The following XPO4 variants were observed in gnomAD, a reference collection of about 807,000 sequenced individuals.
XPO4 encodes exportin 4.
Under a neutral mutation model 143.0 loss-of-function variants are expected in XPO4, and 39 were observed. That is an observed-to-expected ratio of 0.27 (90% CI 0.21 to 0.36). XPO4 has a LOEUF of 0.36. XPO4 is among the 10% of genes least tolerant of loss of function. XPO4 has a pLI of 1.00. For synonymous variants in XPO4, 439 were observed against 474.0 expected, an observed-to-expected ratio of 0.93 and a Z score of 0.96; for missense variants, 907 against 1,348.0, an observed-to-expected ratio of 0.67 and a Z score of 5.12.
chr13:20,800,102 G>T, intron 15 of XPO4, 54 bp downstream of exon 15: 1 of 1,581,258 alleles, frequency 6.3e-7, no homozygotes, highest in East Asian at 2.3e-5. Context: ...AAGTGAAAAA[G>T]AGTTTCTCAC....
chr13:20,861,784 T>C (rs1250518883), intron 3 of XPO4, among the ~76,000 whole-genome samples: 2 of 125,534 alleles, frequency 1.6e-5, no homozygotes, highest in African/African-American at 6.8e-5. Flanking sequence ...TCTCTTTTTT[T>C]TTTTTTTTTT....
chr13:20,889,489 C>G (rs1308900433), intron 1 of XPO4, among the ~76,000 whole-genome samples: 1 of 152,172 alleles, frequency 6.6e-6, no homozygotes, highest in Non-Finnish European at 1.5e-5. Flanking sequence ...GCACTAATGG[C>G]AACTAGTGGA....
chr13:20,840,641 C>A (rs538834173), intron 6 of XPO4, among the ~76,000 whole-genome samples: 260 of 151,906 alleles, frequency 1.7e-3, no homozygotes, highest in Non-Finnish European at 3.0e-3. Flanking sequence ...GGTAGATCTC[C>A]AGGTAATTTC....
intron 4 of XPO4, among the ~76,000 whole-genome samples, chr13:20,846,208 T>C (rs183018602): frequency 5.3e-5 from 8 of 152,328 alleles, no homozygotes; most frequent in African/African-American, 1.9e-4. Context: ...ATTTTAAAAC[T>C]ATCACCATAT....
chr13:20,864,101 TA>T (rs1205801197), intron 2 of XPO4, among the ~76,000 whole-genome samples: 1 of 152,080 alleles, frequency 6.6e-6, no homozygotes, highest in Non-Finnish European at 1.5e-5. Context: ...ACATGAACTC[TA>T]ATTGAGATGA....
chr13:20,798,172 T>G lies in XPO4; in HGVS notation c.2322+993A>C, dbSNP rs1236514614. On this transcript the variant is annotated intron_variant, in intron 16 of 22. Coordinates refer to ENST00000255305, the MANE Select transcript of XPO4 (RefSeq NM_022459.5). ...AAAAAGAAAATAGGGTTGTCATAGA[T>G]GTAATTAGTTCAGATGAGGTCATAC... Among the ~76,000 whole-genome samples the G allele has an allele frequency of 2.0e-5, 3 of 151,824 alleles. No homozygotes were observed. The East Asian group carries it at 5.8e-4, about 29-fold the overall frequency.
rs116186959 is a variant in XPO4, at chr13:20,785,183, T to C, written c.3259-1264A>G. Among the ~76,000 whole-genome samples the C allele has an allele frequency of 6.5e-3, 996 of 152,288 alleles. 15 individuals are homozygous for C. Among genetic ancestry groups the C allele is most frequent in the African/African-American group, 0.023 (946 of 41,572 alleles). On this transcript the variant is annotated intron_variant, in intron 22 of 22. Transcript: ENST00000255305. ...GCACCTGGCATGCTGTAATTTTTCA[T>C]TGGCTTCTTGGGATATCATGATAGA...
At chr13:20,856,355 T>C in intron 3 of XPO4, 1 of 985,190 alleles carries the variant, frequency 1.0e-6, no homozygotes, top group Non-Finnish European at 1.2e-6. Context: ...CATATCTAGG[T>C]TCTGTTCCTC....
At chr13:20,814,715 T>C (rs911294453) in intron 9 of XPO4, among the ~76,000 whole-genome samples, 1 of 152,234 alleles carries the variant, frequency 6.6e-6, no homozygotes, top group African/African-American at 2.4e-5. Context: ...CCCTTGGTAT[T>C]GTCAGGCCTG....
At position 20,783,363 on chromosome 13, in the gene XPO4, GA is replaced by G; in HGVS notation, c.*358del. 3.9e-6 allele frequency: 1 copy of G among 255,712 alleles called. No individual in the cohort carries two copies. Among genetic ancestry groups the G allele is most frequent in the Non-Finnish European group, 7.6e-6 (1 of 132,248 alleles). The allele number at this position is 255,712 out of a possible 1,614,324, so 15.8% of individuals were successfully genotyped here. On this transcript the variant is annotated 3_prime_UTR_variant, in exon 23 of 23. Coordinates refer to ENST00000255305, the MANE Select transcript of XPO4 (RefSeq NM_022459.5). The stretch of plus-strand genomic sequence containing the variant: ...AGCATATATCCATTTCATATTTAAT[GA>G]CAAAAATTCTAAACTTTGGCTAGCC...
At chr13:20,885,004 C>G (rs912243403) in intron 1 of XPO4, among the ~76,000 whole-genome samples, 1 of 152,096 alleles carries the variant, frequency 6.6e-6, no homozygotes, top group African/African-American at 2.4e-5. Context: ...CCTCTTGTTG[C>G]CCAGGCTGGA....
intron 1 of XPO4, chr13:20,869,585 T>G (rs1461793259): frequency 1.2e-6 from 1 of 812,286 alleles, no homozygotes; most frequent in Admixed American, 6.2e-5. Context: ...TACAATCAAT[T>G]ATATTAGATC....
chr13:20,842,023 G>A (rs543182003), intron 6 of XPO4, among the ~76,000 whole-genome samples: 14 of 152,140 alleles, frequency 9.2e-5, no homozygotes, highest in South Asian at 4.1e-4. Flanking sequence ...TTTAATTCAC[G>A]GAGGCTATTA....
intron 1 of XPO4, among the ~76,000 whole-genome samples, chr13:20,896,618 G>T (rs2060572241): frequency 6.6e-6 from 1 of 152,082 alleles, no homozygotes; most frequent in Non-Finnish European, 1.5e-5. Context: ...GGTTCCAACA[G>T]TCTTAGTTAT....
chr13:20,840,449 C>A (rs1267311625), intron 6 of XPO4, among the ~76,000 whole-genome samples: 3 of 152,098 alleles, frequency 2.0e-5, no homozygotes, highest in African/African-American at 4.8e-5. Flanking sequence ...CTCAAGCAAT[C>A]CTCCCATGTC....
chr13:20,857,953 A>G, intron 3 of XPO4: 29 of 985,258 alleles, frequency 2.9e-5, no homozygotes, highest in Non-Finnish European at 3.5e-5. Flanking sequence ...TGGGAAGTAC[A>G]CATTATTTAT....
chr13:20,785,897 A>AG (rs1465177207), intron 22 of XPO4, among the ~76,000 whole-genome samples: 29 of 66,704 alleles, frequency 4.3e-4, no homozygotes, highest in African/African-American at 9.2e-4. Context: ...AGAAAGAAAG[A>AG]AAGAGGAGGG....
intron 1 of XPO4, chr13:20,902,062 T>C (rs1244109695): frequency 1.1e-5 from 11 of 985,150 alleles, no homozygotes; most frequent in Admixed American, 6.2e-5. Flanking sequence ...GCGGGAGCTT[T>C]AAGGAGCTTA....
At chr13:20,824,322 GCAT>G (rs1423282550) in intron 7 of XPO4, among the ~76,000 whole-genome samples, 1 of 152,080 alleles carries the variant, frequency 6.6e-6, no homozygotes, top group Admixed American at 6.5e-5. Flanking sequence ...AATCTAATCA[GCAT>G]TTAAGCATGA....
Sources: allele counts gnomAD v4.1 joint callset (sites outside exome capture counted in the v4.1 genomes callset), GRCh38; gene constraint gnomAD v4.1.1; transcripts MANE v1.5; gene names NCBI Gene and HGNC (gene_info 2026-07-23, HGNC 2026-07-21).